UBTD1: variants seen among roughly 807,000 people sequenced by gnomAD.
The protein encoded by UBTD1 is ubiquitin domain-containing protein 1.
In UBTD1, 19 loss-of-function variants were observed where a neutral mutation model predicts 21.7. The observed-to-expected ratio is 0.87, with a 90% CI of 0.61 to 1.28. UBTD1 has a LOEUF of 1.28. UBTD1 is among the 50% of genes most tolerant of loss of function. The pLI is 0.00. For synonymous variants in UBTD1, 116 were observed against 135.1 expected, an observed-to-expected ratio of 0.86 and a Z score of 0.98; for missense variants, 282 against 315.1, an observed-to-expected ratio of 0.89 and a Z score of 0.80.
chr10:97,501,289 G>C (rs2040375399), intron 1 of UBTD1, among the ~76,000 whole-genome samples: 1 of 152,210 alleles, frequency 6.6e-6, no homozygotes, highest in South Asian at 2.1e-4. Flanking sequence ...TCTGTGTTCA[G>C]AATGTTTCTG....
chr10:97,551,189 C>G (rs1286021147), intron 1 of UBTD1, among the ~76,000 whole-genome samples: 1 of 152,178 alleles, frequency 6.6e-6, no homozygotes, highest in Non-Finnish European at 1.5e-5. Flanking sequence ...TTCGACAACT[C>G]TTTGGGACCC....
intron 1 of UBTD1, among the ~76,000 whole-genome samples, chr10:97,550,373 G>T (rs2040631114): frequency 6.6e-6 from 1 of 152,118 alleles, no homozygotes; most frequent in Non-Finnish European, 1.5e-5. Flanking sequence ...TCTCAGATTT[G>T]GTGTCACATC....
intron 1 of UBTD1, among the ~76,000 whole-genome samples, chr10:97,533,476 G>A (rs1383148308): frequency 6.6e-6 from 1 of 152,186 alleles, no homozygotes. Context: ...CATAGCGGGT[G>A]GGAGAAGGGT....
At chr10:97,513,280 G>A (rs933080130) in intron 1 of UBTD1, among the ~76,000 whole-genome samples, 4 of 152,152 alleles carry the variant, frequency 2.6e-5, no homozygotes, top group African/African-American at 9.7e-5. Flanking sequence ...GGTCTACTTG[G>A]GAGAGGAAGC....
At chr10:97,509,415 T>TGCCCACACACAGCACGGC (rs1197023789) in intron 1 of UBTD1, among the ~76,000 whole-genome samples, 4 of 152,204 alleles carry the variant, frequency 2.6e-5, no homozygotes, top group African/African-American at 9.6e-5. Flanking sequence ...ATCAGCACAG[T>TGCCCACACACAGCACGGC]GCCCACACAC....
chr10:97,548,975 A>G (rs142891162), intron 1 of UBTD1, among the ~76,000 whole-genome samples: 74 of 152,182 alleles, frequency 4.9e-4, no homozygotes, highest in Middle Eastern at 3.4e-3. Context: ...CGGACCAGAG[A>G]GCAGAAAAAG....
chr10:97,541,860 G>A (rs937682821), intron 1 of UBTD1, among the ~76,000 whole-genome samples: 26 of 149,750 alleles, frequency 1.7e-4, no homozygotes, highest in African/African-American at 5.5e-4. Context: ...TCAGCCTCCC[G>A]AGTAGCTGGC....
intron 1 of UBTD1, among the ~76,000 whole-genome samples, chr10:97,534,337 C>T (rs1337205638): frequency 1.3e-5 from 2 of 152,246 alleles, no homozygotes; most frequent in Admixed American, 1.3e-4. Flanking sequence ...CCTGCCCTTA[C>T]AGCTTGTTTG....
At chr10:97,534,285 T>C (rs1189469966) in intron 1 of UBTD1, among the ~76,000 whole-genome samples, 1 of 152,220 alleles carries the variant, frequency 6.6e-6, no homozygotes, top group African/African-American at 2.4e-5. Flanking sequence ...TGTGTGCGGA[T>C]CATTGGCCTG....
chr10:97,527,737 A>T (rs1365107350), intron 1 of UBTD1, among the ~76,000 whole-genome samples: 1 of 152,120 alleles, frequency 6.6e-6, no homozygotes, highest in Non-Finnish European at 1.5e-5. Context: ...GAGTGGACAC[A>T]GCACATGTTT....
intron 1 of UBTD1, among the ~76,000 whole-genome samples, chr10:97,512,543 G>A (rs901519096): frequency 1.3e-5 from 2 of 152,200 alleles, no homozygotes; most frequent in Non-Finnish European, 2.9e-5. Context: ...CCCACATGCT[G>A]TATGCACTGT....
At chr10:97,557,853 C>T (rs148188901) in intron 1 of UBTD1, among the ~76,000 whole-genome samples, 4,892 of 152,220 alleles carry the variant, frequency 0.032, 231 homozygotes, top group African/African-American at 0.1. Context: ...CTTTTAGAGT[C>T]CTGGTACACT....
chr10:97,499,160 C>A lies in UBTD1; in HGVS notation c.-44C>A. On this transcript the variant is annotated 5_prime_UTR_variant, in exon 1 of 3. Coordinates refer to ENST00000370664, the MANE Select transcript of UBTD1 (RefSeq NM_024954.5). ...CGCCGCCGTCCGCTGAGCAGCCGACCACCCCGCCGCCTCCGGTGCATGGGG... is the reference window on the plus strand; with the variant it reads ...CGCCGCCGTCCGCTGAGCAGCCGACAACCCCGCCGCCTCCGGTGCATGGGG... 1.3e-6 allele frequency: 2 copies of A among 1,502,798 alleles called. No homozygotes were observed. Among genetic ancestry groups the A allele is most frequent in the Non-Finnish European group, 1.8e-6 (2 of 1,121,566 alleles). The allele number at this position is 1,502,798 out of a possible 1,614,324, so 93.1% of individuals were successfully genotyped here. A position where few individuals can be genotyped will look rare whatever the true frequency, so the allele number is the denominator to read the frequency against.
chr10:97,553,892 AG>A (rs527570159), intron 1 of UBTD1, among the ~76,000 whole-genome samples: 1 of 152,200 alleles, frequency 6.6e-6, no homozygotes, highest in South Asian at 2.1e-4. Flanking sequence ...ATACTTGCAG[AG>A]GCTCACTCAC....
At chr10:97,517,960 G>A (rs1414517786) in intron 1 of UBTD1, among the ~76,000 whole-genome samples, 3 of 152,158 alleles carry the variant, frequency 2.0e-5, no homozygotes, top group Admixed American at 1.3e-4. Flanking sequence ...CATAGGGGAC[G>A]TGGTTGAGTG....
At chr10:97,509,444 A>G (rs1232806449) in intron 1 of UBTD1, among the ~76,000 whole-genome samples, 1 of 152,232 alleles carries the variant, frequency 6.6e-6, no homozygotes, top group Non-Finnish European at 1.5e-5. Flanking sequence ...GCCCACACAC[A>G]GCACAGCGGA....
chr10:97,554,367 C>T (rs1367720972), intron 1 of UBTD1, among the ~76,000 whole-genome samples: 1 of 150,834 alleles, frequency 6.6e-6, no homozygotes, highest in Admixed American at 6.6e-5. Context: ...CCTGCCTCAC[C>T]TCCATAATAG....
At chr10:97,507,348 G>A (rs1231988854) in intron 1 of UBTD1, among the ~76,000 whole-genome samples, 1 of 152,052 alleles carries the variant, frequency 6.6e-6, no homozygotes, top group Admixed American at 6.6e-5. Flanking sequence ...TTAGAATTGT[G>A]CATAGAGGCT....
At chr10:97,527,502 T>G (rs1018863544) in intron 1 of UBTD1, among the ~76,000 whole-genome samples, 60 of 152,144 alleles carry the variant, frequency 3.9e-4, no homozygotes, top group African/African-American at 1.0e-3. Flanking sequence ...TTATTGATCA[T>G]TCTTGGGTGT....
Sources: allele counts gnomAD v4.1 joint callset (sites outside exome capture counted in the v4.1 genomes callset), GRCh38; gene constraint gnomAD v4.1.1; transcripts MANE v1.5; gene names NCBI Gene and HGNC (gene_info 2026-07-23, HGNC 2026-07-21).